PRDM5: variants seen among roughly 807,000 people sequenced by gnomAD.
PRDM5 encodes the protein PR domain zinc finger protein 5.
A neutral mutation model predicts 81.2 loss-of-function variants in PRDM5; 56 were observed. The observed-to-expected ratio is 0.69, with a 90% confidence interval of 0.56 to 0.86. The LOEUF is 0.86. PRDM5 is among the 40% of genes least tolerant of loss of function. PRDM5 has a pLI of 0.00. For synonymous variants in PRDM5, 267 were observed against 256.4 expected (o/e 1.04, Z -0.39); for missense variants, 697 against 770.1 (o/e 0.91, Z 1.12).
intron 3 of PRDM5, among the ~76,000 whole-genome samples, chr4:120,842,955 A>G (rs1758191845): frequency 6.6e-6 from 1 of 152,230 alleles, no homozygotes; most frequent in East Asian, 1.9e-4. Flanking sequence ...TATAATTTCT[A>G]GGGACACAAC....
chr4:120,809,717 C>T (rs1753561445), intron 8 of PRDM5, among the ~76,000 whole-genome samples: 1 of 152,138 alleles, frequency 6.6e-6, no homozygotes, highest in East Asian at 1.9e-4. Context: ...CAACCTAACT[C>T]TATTAGACAT....
chr4:120,794,230 A>T (rs190058013), intron 10 of PRDM5, among the ~76,000 whole-genome samples: 1 of 152,296 alleles, frequency 6.6e-6, no homozygotes, highest in African/African-American at 2.4e-5. Flanking sequence ...CTGAAGAGTA[A>T]CCTGATGCAA....
chr4:120,760,738 A>C (rs1194130697), intron 13 of PRDM5, among the ~76,000 whole-genome samples: 1 of 152,038 alleles, frequency 6.6e-6, no homozygotes, highest in Non-Finnish European at 1.5e-5. Context: ...GTATTCATTC[A>C]TTAAATAGAC....
At chr4:120,751,084 T>C (rs1327386062) in intron 14 of PRDM5, among the ~76,000 whole-genome samples, 1 of 152,166 alleles carries the variant, frequency 6.6e-6, no homozygotes, top group Non-Finnish European at 1.5e-5. Flanking sequence ...TACCCTGTCA[T>C]TTAGGCTGAA....
At chr4:120,810,062 T>A (rs1561332716) in intron 8 of PRDM5, among the ~76,000 whole-genome samples, 1 of 152,140 alleles carries the variant, frequency 6.6e-6, no homozygotes, top group East Asian at 1.9e-4. Context: ...TACATTTTAA[T>A]GTAATAATAA....
intron 3 of PRDM5, among the ~76,000 whole-genome samples, chr4:120,845,774 T>C (rs1265515764): frequency 6.6e-6 from 1 of 152,222 alleles, no homozygotes; most frequent in African/African-American, 2.4e-5. Context: ...ATTCCTCTGG[T>C]AGACCTGAGC....
chr4:120,868,140 T>C (rs938385732), intron 2 of PRDM5, among the ~76,000 whole-genome samples: 5 of 152,234 alleles, frequency 3.3e-5, no homozygotes, highest in Admixed American at 1.3e-4. Context: ...CCTATGGAAA[T>C]ATCTATAGTT....
chr4:120,808,660 G>A lies in PRDM5; in HGVS notation c.945+2710C>T, dbSNP rs113134509. Among the ~76,000 whole-genome samples the A allele has an allele frequency of 4.3e-3, 650 of 152,238 alleles. 2 individuals carry two copies. The highest frequency in any genetic ancestry group is 0.015 in the African/African-American group (610 of 41,552). ...ATGGGACCAGGCACCATGGAGCAGG[G>A]GGAGGCACTCCTCCTGAGAGGCTCG... On this transcript the variant is annotated intron_variant, in intron 8 of 15. Transcript: ENST00000264808.
At chr4:120,918,018 A>T (rs1162679273) in intron 1 of PRDM5, among the ~76,000 whole-genome samples, 1 of 152,100 alleles carries the variant, frequency 6.6e-6, no homozygotes, top group Non-Finnish European at 1.5e-5. Context: ...TTCACTAAAA[A>T]CTGTGTAAAG....
At chr4:120,739,509 G>T (rs1741599350) in intron 14 of PRDM5, among the ~76,000 whole-genome samples, 1 of 152,148 alleles carries the variant, frequency 6.6e-6, no homozygotes, top group East Asian at 1.9e-4. Context: ...AAAAATCACA[G>T]CCAATGCCTC....
chr4:120,869,996 G>A (rs1761606477), intron 2 of PRDM5, among the ~76,000 whole-genome samples: 1 of 152,040 alleles, frequency 6.6e-6, no homozygotes, highest in Non-Finnish European at 1.5e-5. Context: ...AAAAAAAAGA[G>A]GAGGAAGTAG....
chr4:120,812,142 C>G (rs1753932337), intron 7 of PRDM5, among the ~76,000 whole-genome samples: 1 of 152,064 alleles, frequency 6.6e-6, no homozygotes, highest in Admixed American at 6.6e-5. Flanking sequence ...TGCAGCTGTG[C>G]CTGGCTTACT....
chr4:120,857,394 T>C (rs1220476559), intron 2 of PRDM5, among the ~76,000 whole-genome samples: 1 of 152,056 alleles, frequency 6.6e-6, no homozygotes, highest in African/African-American at 2.4e-5. Context: ...AAGGGAAAGA[T>C]ACCTTCTTGT....
chr4:120,771,674 C>A lies in PRDM5; in HGVS notation c.1537+5514G>T, dbSNP rs535257106. Among the ~76,000 whole-genome samples, 36 of 152,060 alleles carry A rather than the reference C, an allele frequency of 2.4e-4. No homozygotes were observed. In the East Asian group the frequency reaches 7.0e-3, roughly 29 times the overall value. ...TTCAACACGTTCAACAATTTAAGATCTTGATAAAGCTGGAAGAAATAAAAG... is the reference window on the plus strand; with the variant it reads ...TTCAACACGTTCAACAATTTAAGATATTGATAAAGCTGGAAGAAATAAAAG... On this transcript the variant is annotated intron_variant, in intron 13 of 15. Coordinates refer to ENST00000264808, the MANE Select transcript of PRDM5 (RefSeq NM_018699.4).
chr4:120,766,457 G>A (rs17051245), intron 13 of PRDM5, among the ~76,000 whole-genome samples: 9,501 of 152,236 alleles, frequency 0.062, 518 homozygotes, highest in African/African-American at 0.15. Context: ...CGGTAGCAAA[G>A]TTTCTCCATA....
chr4:120,776,600 G>A (rs1242638903), intron 13 of PRDM5, among the ~76,000 whole-genome samples: 1 of 152,182 alleles, frequency 6.6e-6, no homozygotes, highest in Non-Finnish European at 1.5e-5. Context: ...CTATGTGATA[G>A]GTAGAATCCA....
intron 8 of PRDM5, among the ~76,000 whole-genome samples, chr4:120,808,409 A>T (rs1753316775): frequency 6.6e-6 from 1 of 152,128 alleles, no homozygotes; most frequent in Non-Finnish European, 1.5e-5. Context: ...ACAAACCCTG[A>T]GCTAGACACA....
chr4:120,870,464 G>A (rs1761658082), intron 2 of PRDM5, among the ~76,000 whole-genome samples: 3 of 152,040 alleles, frequency 2.0e-5, no homozygotes, highest in Admixed American at 2.0e-4. Context: ...GGGAGGTGGG[G>A]GAACAGCCAC....
intron 15 of PRDM5, among the ~76,000 whole-genome samples, chr4:120,709,430 G>A (rs1299387839): frequency 2.6e-5 from 4 of 152,180 alleles, no homozygotes; most frequent in Non-Finnish European, 4.4e-5. Context: ...CCCACTGGGA[G>A]TACATTGTTG....
Sources: allele counts gnomAD v4.1 joint callset (sites outside exome capture counted in the v4.1 genomes callset), GRCh38; gene constraint gnomAD v4.1.1; transcripts MANE v1.5; gene names NCBI Gene and HGNC (gene_info 2026-07-23, HGNC 2026-07-21).